GOLGA4: variants seen among roughly 807,000 people sequenced by gnomAD.
The protein encoded by GOLGA4 is golgin A4, also known as golgin subfamily A member 4.
In GOLGA4, 169 loss-of-function variants were observed where a neutral mutation model predicts 265.9. That is an observed-to-expected ratio of 0.64 (90% CI 0.56 to 0.72). The LOEUF (loss-of-function observed/expected upper bound fraction) is 0.72. Among genes scored for constraint, GOLGA4 ranks in the 30% least tolerant of loss-of-function variants. The pLI is 0.00. For missense variants in GOLGA4, 2,482 were observed against 2,483.4 expected (o/e 1.00, Z 0.01); for synonymous variants, 923 against 855.8 (o/e 1.08, Z -1.37).
At chr3:37,246,866 C>G (rs1330238580) in intron 1 of GOLGA4, among the ~76,000 whole-genome samples, 1 of 152,140 alleles carries the variant, frequency 6.6e-6, no homozygotes, top group Non-Finnish European at 1.5e-5. Context: ...TGGCAGCTGA[C>G]CTCACTCTTT....
At position 37,321,906 on chromosome 3, in the gene GOLGA4, A is replaced by C; in HGVS notation, c.1701+20A>C. The C allele has an allele frequency of 1.3e-6, 2 of 1,567,906 alleles. No homozygotes were observed. Among genetic ancestry groups the C allele is most frequent in the Non-Finnish European group, 1.7e-6 (2 of 1,158,118 alleles). ...AGAACTGTAAGTTTTAATAATATTC[A>C]GATTCTGGAGTTGTGAAATTATTTG... On this transcript the variant is annotated intron_variant, in intron 13 of 23. Coordinates refer to ENST00000361924, the MANE Select transcript of GOLGA4 (RefSeq NM_002078.5).
intron 2 of GOLGA4, chr3:37,275,630 C>T (rs966238354): frequency 4.8e-5 from 76 of 1,581,662 alleles, no homozygotes; most frequent in Admixed American, 1.8e-4. Context: ...CTGTGTCTTC[C>T]GCTCCAGCTT....
intron 2 of GOLGA4, among the ~76,000 whole-genome samples, chr3:37,275,108 C>T (rs1048128450): frequency 5.4e-5 from 8 of 148,286 alleles, no homozygotes; most frequent in Non-Finnish European, 1.0e-4. Context: ...TCCAGCTACT[C>T]AGGAGGTTGA....
intron 21 of GOLGA4, among the ~76,000 whole-genome samples, chr3:37,349,847 G>T (rs764562674): frequency 6.6e-6 from 1 of 152,104 alleles, no homozygotes; most frequent in African/African-American, 2.4e-5. Flanking sequence ...GTGTTTCTTC[G>T]TCTGCTTTTG....
chr3:37,295,409 G>C (rs926567080), intron 6 of GOLGA4, among the ~76,000 whole-genome samples: 1 of 152,062 alleles, frequency 6.6e-6, no homozygotes, highest in Non-Finnish European at 1.5e-5. Context: ...TGTAGAGATG[G>C]GGTCTCACTA....
intron 5 of GOLGA4, 59 bp downstream of exon 5, chr3:37,289,350 T>C: frequency 9.5e-7 from 1 of 1,051,062 alleles, no homozygotes; most frequent in South Asian, 1.4e-5. Flanking sequence ...TTATCAGAAC[T>C]GTTGTATGTG....
At chr3:37,258,268 T>G (rs72867525) in intron 2 of GOLGA4, among the ~76,000 whole-genome samples, 1,918 of 149,006 alleles carry the variant, frequency 0.013, 18 homozygotes, top group South Asian at 0.018. Context: ...AGCATATATA[T>G]AGAGCATATA....
chr3:37,320,347 G>A (rs920177747), intron 12 of GOLGA4: 14 of 152,122 alleles, frequency 9.2e-5, no homozygotes, highest in Admixed American at 5.9e-4. Context: ...AATGCTTTCC[G>A]TGTAAAAGGA....
chr3:37,310,195 G>C (rs2096919258), intron 10 of GOLGA4, among the ~76,000 whole-genome samples: 1 of 152,132 alleles, frequency 6.6e-6, no homozygotes, highest in South Asian at 2.1e-4. Context: ...GTAGAAGTGG[G>C]TCTTGTTAAC....
intron 10 of GOLGA4, among the ~76,000 whole-genome samples, chr3:37,310,829 T>C (rs1028851817): frequency 6.6e-6 from 1 of 152,150 alleles, no homozygotes; most frequent in African/African-American, 2.4e-5. Flanking sequence ...CAGTTCGTGC[T>C]TAGCCTTCCT....
chr3:37,356,249 C>A (rs1310928586), intron 22 of GOLGA4, among the ~76,000 whole-genome samples: 1 of 152,086 alleles, frequency 6.6e-6, no homozygotes, highest in Non-Finnish European at 1.5e-5. Flanking sequence ...GCACTTACAG[C>A]CTTTTATGAA....
intron 10 of GOLGA4, among the ~76,000 whole-genome samples, chr3:37,307,755 G>C (rs757216873): frequency 6.6e-6 from 1 of 152,116 alleles, no homozygotes; most frequent in Non-Finnish European, 1.5e-5. Flanking sequence ...CTTTTAAAAT[G>C]CAATTATTTA....
At chr3:37,291,973 A>C (rs2096865821) in intron 5 of GOLGA4, among the ~76,000 whole-genome samples, 1 of 152,086 alleles carries the variant, frequency 6.6e-6, no homozygotes, top group Non-Finnish European at 1.5e-5. Context: ...CAACACGAAT[A>C]ATTATCTTAG....
chr3:37,295,957 G>A (rs1266170987), intron 6 of GOLGA4, 130 bp from the exon 7 acceptor site: 11 of 718,840 alleles, frequency 1.5e-5, no homozygotes, highest in Non-Finnish European at 2.7e-5. Flanking sequence ...TTATATAATG[G>A]ACTTGAGCTC....
At position 37,325,734 on chromosome 3, in the gene GOLGA4, A is replaced by C; in HGVS notation, c.3848A>C (p.Glu1283Ala). The C allele has an allele frequency of 1.2e-6, 2 of 1,613,782 alleles. No individual in the cohort carries two copies. Among genetic ancestry groups the C allele is most frequent in the African/African-American group, 1.3e-5 (1 of 75,054 alleles). Residue 1283 changes from glutamate to alanine, a missense_variant, in exon 14 of 24, where the codon GAG becomes GCG. Glu to Ala is a moderately radical substitution (Grantham distance 107, BLOSUM62 -1). Transcript: ENST00000361924. ...GAAGCACAACTTAGACAGTTGACAG[A>C]GGAGCAAAATACACTAAATATTTCT... ...ELEAQLRQLT[E>A]EQNTLNISFQ...
chr3:37,290,588 A>G (rs2096862166), intron 5 of GOLGA4, among the ~76,000 whole-genome samples: 1 of 152,220 alleles, frequency 6.6e-6, no homozygotes, highest in Non-Finnish European at 1.5e-5. Flanking sequence ...AATACAAATA[A>G]TTACAGATGT....
chr3:37,284,778 A>C (rs2096843934), intron 3 of GOLGA4, among the ~76,000 whole-genome samples: 1 of 148,744 alleles, frequency 6.7e-6, no homozygotes, highest in Admixed American at 6.8e-5. Flanking sequence ...TGATTCTCCC[A>C]CCTCAATCTC....
rs879174651 is a variant in GOLGA4 at position 37,328,266 on chromosome 3, A to ACACT, written c.5940-144_5940-141dup. On this transcript the variant is annotated intron_variant, in intron 14 of 23. Transcript: ENST00000361924. The stretch of plus-strand genomic sequence containing the variant: ...CACACACACACACACACACACACAC[A>ACACT]CACTCACTCTCACACTCTCTCTCTC... The ACACT allele has an allele frequency of 7.7e-5, 52 of 678,216 alleles. 1 individual carries two copies. Among genetic ancestry groups the ACACT allele is most frequent in the South Asian group, 7.1e-4 (39 of 54,866 alleles). 42.0% of individuals were successfully genotyped at this position (678,216 alleles called of 1,614,324 possible).
intron 2 of GOLGA4, chr3:37,276,299 A>T (rs901505647): frequency 6.3e-6 from 10 of 1,597,894 alleles, no homozygotes; most frequent in Non-Finnish European, 8.6e-6. Context: ...AGATGCAAAA[A>T]ATCCAAATTT....
Sources: allele counts gnomAD v4.1 joint callset (sites outside exome capture counted in the v4.1 genomes callset), GRCh38; gene constraint gnomAD v4.1.1; transcripts MANE v1.5; gene names NCBI Gene and HGNC (gene_info 2026-07-23, HGNC 2026-07-21).